KIF24: variants seen among roughly 807,000 people sequenced by gnomAD.
KIF24 encodes kinesin family member 24.
Under a neutral mutation model 118.9 loss-of-function variants are expected in KIF24, and 81 were observed. The observed-to-expected ratio is 0.68, with a 90% CI of 0.57 to 0.82. KIF24 has a LOEUF of 0.82. Among genes scored for constraint, KIF24 ranks in the 40% least tolerant of loss-of-function variants. KIF24 has a pLI of 0.00. For synonymous variants in KIF24, 599 were observed against 610.0 expected (o/e 0.98, Z 0.27); for missense variants, 1,560 against 1,661.6 (o/e 0.94, Z 1.06).
At position 34,257,802 on chromosome 9, in the gene KIF24, C is replaced by G; in HGVS notation, c.1805G>C (p.Gly602Ala). ...FQQSLTVAAP[G>A]STRGKVHPLT... Reference sequence around the variant, plus strand: ...AGGATGGACCTTCCCTCTCGTGGAACCAGGGGCTGCCACTGTGAGTGACTG... The same window carrying G: ...AGGATGGACCTTCCCTCTCGTGGAAGCAGGGGCTGCCACTGTGAGTGACTG... The change falls in exon 11 of 13, where the codon GGT becomes GCT. Residue 602 changes from glycine to alanine, a missense_variant. Gly to Ala is a moderately conservative substitution (Grantham distance 60). This residue lies in a region of KIF24 where 964 missense variants were observed against 988.0 expected (regional missense o/e 0.98). Transcript: ENST00000402558. The G allele has an allele frequency of 1.2e-6, 2 of 1,614,022 alleles. No homozygotes were observed. Among genetic ancestry groups the G allele is most frequent in the Non-Finnish European group, 8.5e-7 (1 of 1,179,900 alleles).
chr9:34,256,240 G>A lies in KIF24; in HGVS notation c.3367C>T (p.Pro1123Ser), dbSNP rs986494622. 7 of 1,604,998 alleles carry A rather than the reference G, an allele frequency of 4.4e-6. No homozygotes were observed. Among genetic ancestry groups the A allele is most frequent in the Non-Finnish European group, 6.0e-6 (7 of 1,175,098 alleles). Residue 1123 changes from proline (P) to serine (S), a missense_variant, in exon 11 of 13, where the codon CCT becomes TCT. Transcript: ENST00000402558. ...GACAGAGCTGGAAGATCACCACCAG[G>A]CTTATTATCAGGGGGAGATGAGGAC... is the stretch of plus-strand genomic sequence containing the variant. ...WLSSSPPDNK[P>S]GGDLPALSPS...
At chr9:34,305,855 T>G (rs961554273) in intron 3 of KIF24, among the ~76,000 whole-genome samples, 1 of 152,160 alleles carries the variant, frequency 6.6e-6, no homozygotes, top group South Asian at 2.1e-4. Flanking sequence ...ATCCTCCCAC[T>G]GCAGCCTCCC....
intron 6 of KIF24, among the ~76,000 whole-genome samples, chr9:34,274,841 A>G (rs1206650438): frequency 8.1e-6 from 1 of 124,124 alleles, no homozygotes; most frequent in Admixed American, 9.1e-5. Flanking sequence ...TGTCATTTGC[A>G]ACAACATGGA....
intron 6 of KIF24, among the ~76,000 whole-genome samples, chr9:34,284,344 AT>A (rs1160411523): frequency 2.6e-5 from 4 of 152,192 alleles, no homozygotes; most frequent in African/African-American, 9.6e-5. Context: ...CTAGGTATAT[AT>A]CCTAGACAAC....
intron 6 of KIF24, among the ~76,000 whole-genome samples, chr9:34,277,257 G>T (rs187174357): frequency 8.8e-4 from 134 of 152,144 alleles, no homozygotes; most frequent in African/African-American, 3.1e-3. Context: ...GACAAGGGAG[G>T]TCTTAAACCT....
At position 34,257,332 on chromosome 9, in the gene KIF24, CCTT is replaced by C. The variant is rs770389524; in HGVS notation, c.2272_2274del (p.Lys758del). 1.2e-6 allele frequency: 2 copies of C among 1,614,074 alleles called. No individual in the cohort carries two copies. The highest frequency in any genetic ancestry group is 1.7e-5 in the Admixed American group (1 of 60,030). On this transcript the variant is annotated inframe_deletion, in exon 11 of 13. Coordinates refer to ENST00000402558, the MANE Select transcript of KIF24 (RefSeq NM_194313.4). The stretch of plus-strand genomic sequence containing the variant: ...TAGAAACGCAGATGTTCCTCCCTCT[CCTT>C]CTGATGTGGCGGGATGTTTGTCCAA...
At chr9:34,285,570 C>T (rs758256409) in intron 6 of KIF24, among the ~76,000 whole-genome samples, 122 of 151,936 alleles carry the variant, frequency 8.0e-4, no homozygotes, top group Non-Finnish European at 6.2e-4. Context: ...GTCAGGAGAT[C>T]GAGACCATTC....
intron 2 of KIF24, among the ~76,000 whole-genome samples, chr9:34,309,458 A>G (rs895167783): frequency 2.7e-5 from 4 of 149,492 alleles, no homozygotes; most frequent in African/African-American, 4.9e-5. Flanking sequence ...GGAGAATGGC[A>G]TGAACCCGGG....
intron 5 of KIF24, among the ~76,000 whole-genome samples, chr9:34,289,746 T>C (rs138734171): frequency 1.8e-4 from 28 of 152,228 alleles, no homozygotes; most frequent in Non-Finnish European, 3.1e-4. Flanking sequence ...TTCTTATTGA[T>C]TTCAGAAAAC....
In KIF24 at chr9:34,253,197, T is replaced by C. The variant is rs1235061108; in HGVS notation, c.*1183A>G. 6.6e-6 allele frequency: 1 copy of C among 152,276 alleles called. No individual in the cohort carries two copies. Among genetic ancestry groups the C allele is most frequent in the Non-Finnish European group, 1.5e-5 (1 of 68,054 alleles). 9.4% of individuals were successfully genotyped at this position (152,276 alleles called of 1,614,324 possible). A position where few individuals can be genotyped will look rare whatever the true frequency, so the allele number is the denominator to read the frequency against. ...CCATTTAACCCTCTTCTTGGCCTTT[T>C]AATTAAGCCCTCCTTTTAAAACCGT... is the stretch of plus-strand genomic sequence containing the variant. On this transcript the variant is annotated 3_prime_UTR_variant, in exon 13 of 13. Coordinates refer to ENST00000402558, the MANE Select transcript of KIF24 (RefSeq NM_194313.4).
upstream of KIF24, among the ~76,000 whole-genome samples, chr9:34,330,939 C>T (rs1182107965): frequency 6.6e-6 from 1 of 151,138 alleles, no homozygotes; most frequent in Non-Finnish European, 1.5e-5. Flanking sequence ...CCAGCCTGGG[C>T]GACAGAGGGA....
chr9:34,333,447 C>G (rs898841927), upstream of KIF24, among the ~76,000 whole-genome samples: 3 of 151,892 alleles, frequency 2.0e-5, no homozygotes, highest in African/African-American at 7.3e-5. Flanking sequence ...GTCAGCATAG[C>G]AAGACCCCAT....
rs1467520273 is a variant in KIF24 at position 34,256,429 on chromosome 9, G to T, written c.3178C>A (p.Pro1060Thr). Reference sequence around the variant, plus strand: ...GAGGGAGGAGACCCTTCGTTGTCTGGGTTCTCCAGGAGGGACATGGTGAGG... The same window carrying T: ...GAGGGAGGAGACCCTTCGTTGTCTGTGTTCTCCAGGAGGGACATGGTGAGG... ...SPLTMSLLENPDNEGSPPSEQ... is the reference protein window; with the variant it reads ...SPLTMSLLENTDNEGSPPSEQ... Residue 1060 changes from proline to threonine, a missense_variant, in exon 11 of 13, where the codon CCA (proline) becomes ACA (threonine). Pro to Thr is a conservative substitution (Grantham distance 38). Coordinates refer to ENST00000402558, the MANE Select transcript of KIF24 (RefSeq NM_194313.4). 1 of 1,613,772 alleles carries T rather than the reference G, an allele frequency of 6.2e-7. No homozygotes were observed. Among genetic ancestry groups the T allele is most frequent in the African/African-American group, 1.3e-5 (1 of 74,908 alleles).
At chr9:34,298,607 G>A (rs763701627) in intron 3 of KIF24, among the ~76,000 whole-genome samples, 64 of 152,096 alleles carry the variant, frequency 4.2e-4, no homozygotes, top group Admixed American at 1.3e-3. Flanking sequence ...TAGGGGTCTT[G>A]GGACACCAGT....
intron 3 of KIF24, among the ~76,000 whole-genome samples, chr9:34,306,026 G>A (rs1419824120): frequency 6.6e-6 from 1 of 152,098 alleles, no homozygotes; most frequent in South Asian, 2.1e-4. Flanking sequence ...CTGCACAAGA[G>A]AAATTGTTTT....
At chr9:34,304,564 G>C (rs570983521) in intron 3 of KIF24, among the ~76,000 whole-genome samples, 1 of 152,302 alleles carries the variant, frequency 6.6e-6, no homozygotes, top group Non-Finnish European at 1.5e-5. Flanking sequence ...CATGGAACTA[G>C]ATAGCATTAC....
At chr9:34,284,405 T>A (rs1016191056) in intron 6 of KIF24, among the ~76,000 whole-genome samples, 1 of 152,164 alleles carries the variant, frequency 6.6e-6, no homozygotes, top group African/African-American at 2.4e-5. Flanking sequence ...ACAGCTGCAA[T>A]GCTCCAAATA....
At chr9:34,279,807 ATATT>A (rs543393842) in intron 6 of KIF24, among the ~76,000 whole-genome samples, 29 of 152,352 alleles carry the variant, frequency 1.9e-4, no homozygotes, top group African/African-American at 7.0e-4. Flanking sequence ...AAGTCAATAA[ATATT>A]TATTTATGAG....
intron 3 of KIF24, among the ~76,000 whole-genome samples, chr9:34,302,216 G>C (rs1056776485): frequency 2.6e-5 from 4 of 151,834 alleles, no homozygotes; most frequent in Admixed American, 2.6e-4. Flanking sequence ...GGATGGTCTT[G>C]ATCTCCTGAC....
Sources: gnomAD v4.1 joint callset for allele counts (sites outside exome capture counted in the v4.1 genomes callset) on GRCh38, gnomAD v4.1.1 for gene constraint, gnomAD v4.1.1 regional missense constraint, MANE v1.5 for transcripts, NCBI Gene and HGNC (gene_info 2026-07-23, HGNC 2026-07-21) for gene names.